Variants in CCDC170 observed in about 807,000 individuals in gnomAD.
The protein encoded by CCDC170 is coiled-coil domain containing 170.
A neutral mutation model predicts 72.6 loss-of-function variants in CCDC170; 69 were observed. The observed-to-expected ratio is 0.95, with a 90% CI of 0.78 to 1.16. CCDC170 has a LOEUF of 1.16. CCDC170 is among the 50% of genes most tolerant of loss of function. The pLI is 0.00. For missense variants in CCDC170, 852 were observed against 832.5 expected, an observed-to-expected ratio of 1.02 and a Z score of -0.29; for synonymous variants, 300 against 303.9, an observed-to-expected ratio of 0.99 and a Z score of 0.13.
intron 5 of CCDC170, among the ~76,000 whole-genome samples, chr6:151,555,288 A>T (rs1465415649): frequency 1.3e-5 from 2 of 152,158 alleles, no homozygotes; most frequent in Non-Finnish European, 2.9e-5. Flanking sequence ...CGTGTCTGGC[A>T]CACAATTGGT....
intron 1 of CCDC170, among the ~76,000 whole-genome samples, chr6:151,523,787 T>A (rs181061718): frequency 1.1e-4 from 17 of 152,322 alleles, no homozygotes; most frequent in African/African-American, 4.1e-4. Flanking sequence ...AACAATGAAT[T>A]TCCTGTCCCA....
intron 1 of CCDC170, among the ~76,000 whole-genome samples, chr6:151,534,726 T>G (rs1479854334): frequency 6.6e-6 from 1 of 152,248 alleles, no homozygotes; most frequent in African/African-American, 2.4e-5. Flanking sequence ...TTTGGCATTT[T>G]GTGGACTGAA....
In CCDC170 at chr6:151,615,455, G is replaced by A; in HGVS notation, c.1723G>A (p.Glu575Lys). ...CTTGACTTTCTAGATTAAAACTTTG[G>A]AACAGACTAAAGCCATTGAAGATCT... ...DTNELKIKTLEQTKAIEDLNK... is the reference protein window; with the variant it reads ...DTNELKIKTLKQTKAIEDLNK... The change falls in exon 10 of 11, where the codon GAA (glutamate) becomes AAA (lysine). Residue 575 changes from glutamate to lysine, a missense_variant. Physicochemically the swap from Glu to Lys is moderately conservative, Grantham distance 56. Coordinates refer to ENST00000239374, the MANE Select transcript of CCDC170 (RefSeq NM_025059.4). 4 of 1,612,444 alleles carry A rather than the reference G, an allele frequency of 2.5e-6. No homozygotes were observed. Among genetic ancestry groups the A allele is most frequent in the African/African-American group, 1.3e-5 (1 of 74,918 alleles).
chr6:151,506,165 G>A (rs750867848), intron 1 of CCDC170, among the ~76,000 whole-genome samples: 1 of 152,130 alleles, frequency 6.6e-6, no homozygotes, highest in Non-Finnish European at 1.5e-5. Context: ...GTTGGCCTGA[G>A]TTATATCCTC....
chr6:151,507,095 A>C (rs1358698344), intron 1 of CCDC170, among the ~76,000 whole-genome samples: 1 of 152,028 alleles, frequency 6.6e-6, no homozygotes, highest in Non-Finnish European at 1.5e-5. Context: ...TCCATGCTTG[A>C]GGGGTTTGTT....
intron 9 of CCDC170, among the ~76,000 whole-genome samples, chr6:151,597,017 G>A (rs1244985230): frequency 6.6e-6 from 1 of 152,286 alleles, no homozygotes; most frequent in East Asian, 1.9e-4. Context: ...GTGGAGATTG[G>A]GTTTCTCCAT....
chr6:151,520,138 G>T (rs1782296190), intron 1 of CCDC170, among the ~76,000 whole-genome samples: 1 of 152,210 alleles, frequency 6.6e-6, no homozygotes, highest in Non-Finnish European at 1.5e-5. Flanking sequence ...CTACAAATAA[G>T]TATTGCATGT....
In CCDC170 at chr6:151,619,209, A is replaced by G. The variant is rs976133979; in HGVS notation, c.*1062A>G. ...TGGTGGTAATTGTTAATGTTTCAGC[A>G]GGGCTGGTCTCAGTCCTTTAAAATG... On this transcript the variant is annotated 3_prime_UTR_variant, in exon 11 of 11. Transcript: ENST00000239374. The G allele has an allele frequency of 2.0e-5, 3 of 152,126 alleles. No individual in the cohort carries two copies. The highest frequency in any genetic ancestry group is 4.8e-5 in the African/African-American group (2 of 41,418). The allele number at this position is 152,126 out of a possible 1,614,324, so 9.4% of individuals were successfully genotyped here.
At chr6:151,529,375 A>T (rs948774590) in intron 1 of CCDC170, among the ~76,000 whole-genome samples, 2 of 152,074 alleles carry the variant, frequency 1.3e-5, no homozygotes, top group African/African-American at 4.8e-5. Flanking sequence ...TAATAATTGT[A>T]TTCCTGGGCA....
intron 1 of CCDC170, among the ~76,000 whole-genome samples, chr6:151,519,450 T>A (rs868542322): frequency 6.6e-6 from 1 of 152,244 alleles, no homozygotes; most frequent in Non-Finnish European, 1.5e-5. Context: ...ACTGATTTCA[T>A]ATTGTTCAAA....
chr6:151,550,176 A>G (rs1373026485), intron 5 of CCDC170, among the ~76,000 whole-genome samples: 2 of 152,244 alleles, frequency 1.3e-5, no homozygotes, highest in African/African-American at 4.8e-5. Flanking sequence ...TATGGGATTA[A>G]TAATAATGAT....
chr6:151,497,952 C>CAAAAAAAAAAA (rs59201906), intron 1 of CCDC170, among the ~76,000 whole-genome samples: 3 of 58,046 alleles, frequency 5.2e-5, no homozygotes, highest in Non-Finnish European at 1.0e-4. Flanking sequence ...CACACCATCT[C>CAAAAAAAAAAA]AAAAAAAAAA....
At chr6:151,550,582 A>G (rs1285244632) in intron 5 of CCDC170, among the ~76,000 whole-genome samples, 1 of 152,180 alleles carries the variant, frequency 6.6e-6, no homozygotes, top group East Asian at 1.9e-4. Context: ...AAAGTTTATT[A>G]TTGTTGTCAA....
chr6:151,510,579 G>T (rs936430792), intron 1 of CCDC170, among the ~76,000 whole-genome samples: 29 of 152,116 alleles, frequency 1.9e-4, no homozygotes, highest in African/African-American at 7.0e-4. Flanking sequence ...TGCAAAGGAG[G>T]TGATGAGGAG....
chr6:151,514,361 G>GAGGGAGGGAGGA (rs1782200985), intron 1 of CCDC170, among the ~76,000 whole-genome samples: 1 of 88,306 alleles, frequency 1.1e-5, no homozygotes, highest in Non-Finnish European at 2.1e-5. Flanking sequence ...GGGAGGGAGG[G>GAGGGAGGGAGGA]AGGGAGGGAG....
intron 4 of CCDC170, among the ~76,000 whole-genome samples, chr6:151,545,145 C>T (rs949068715): frequency 2.0e-5 from 3 of 152,088 alleles, no homozygotes; most frequent in Non-Finnish European, 2.9e-5. Context: ...AGTGGCTGGG[C>T]GCGGTGACTC....
At chr6:151,558,778 G>C (rs1336228872) in intron 5 of CCDC170, among the ~76,000 whole-genome samples, 1 of 152,066 alleles carries the variant, frequency 6.6e-6, no homozygotes, top group African/African-American at 2.4e-5. Context: ...CCAATACCCT[G>C]CTGTTTTGTT....
At chr6:151,509,857 G>A (rs1429255255) in intron 1 of CCDC170, among the ~76,000 whole-genome samples, 1 of 152,186 alleles carries the variant, frequency 6.6e-6, no homozygotes, top group Non-Finnish European at 1.5e-5. Context: ...AGGCGTGGTG[G>A]CTCACGCCTG....
intron 1 of CCDC170, among the ~76,000 whole-genome samples, chr6:151,531,988 A>G (rs1395698480): frequency 1.3e-5 from 2 of 152,196 alleles, no homozygotes; most frequent in East Asian, 3.9e-4. Context: ...GAGTGGGAAC[A>G]TTAGATTTGA....
Sources: allele counts gnomAD v4.1 joint callset (sites outside exome capture counted in the v4.1 genomes callset), GRCh38; gene constraint gnomAD v4.1.1; transcripts MANE v1.5; gene names NCBI Gene and HGNC (gene_info 2026-07-23, HGNC 2026-07-21).